Variants in GRIA3 observed in about 807,000 individuals in gnomAD.
GRIA3 encodes glutamate ionotropic receptor AMPA type subunit 3, also known as glutamate receptor 3.
In GRIA3, 3 loss-of-function variants were observed where a neutral mutation model predicts 63.0. The ratio of observed to expected loss-of-function variants is 0.05; its 90% CI spans 0.02 to 0.12. The LOEUF is 0.12. GRIA3 is among the 10% of genes least tolerant of loss of function. The pLI, the probability that GRIA3 is intolerant of heterozygous loss-of-function variation, is 1.00. For synonymous variants in GRIA3, 274 were observed against 257.9 expected (o/e 1.06, Z -0.60); for missense variants, 347 against 700.9 (o/e 0.50, Z 5.70).
intron 5 of GRIA3, among the ~76,000 whole-genome samples, chrX:123,359,784 T>C (rs929070213): frequency 2.7e-5 from 3 of 111,860 alleles, no homozygotes; most frequent in Non-Finnish European, 5.6e-5. Flanking sequence ...GGGGAGAACA[T>C]GAGCCATAGC....
chrX:123,336,731 G>A (rs556469009), intron 4 of GRIA3, among the ~76,000 whole-genome samples: 8 of 111,779 alleles, frequency 7.2e-5, no homozygotes, highest in Middle Eastern at 4.6e-3. Flanking sequence ...TTAAGCCAAC[G>A]ACTAGCAATC....
At chrX:123,315,689 T>G (rs1334218163) in intron 3 of GRIA3, among the ~76,000 whole-genome samples, 4 of 112,103 alleles carry the variant, frequency 3.6e-5, no homozygotes, top group Non-Finnish European at 7.5e-5. Flanking sequence ...TCTGCCTCTA[T>G]TTTTTCTTTA....
At chrX:123,272,580 T>C (rs2044530420) in intron 3 of GRIA3, among the ~76,000 whole-genome samples, 1 of 111,442 alleles carries the variant, frequency 9.0e-6, no homozygotes, top group Admixed American at 9.5e-5. Flanking sequence ...GGGATACAAA[T>C]GTGTGCAAAT....
At chrX:123,434,843 A>G (rs2045636283) in intron 12 of GRIA3, among the ~76,000 whole-genome samples, 1 of 112,093 alleles carries the variant, frequency 8.9e-6, no homozygotes, top group African/African-American at 3.2e-5. Context: ...TGACCTGACA[A>G]CTATGCACGC....
intron 5 of GRIA3, among the ~76,000 whole-genome samples, chrX:123,378,497 G>T (rs1463494341): frequency 9.5e-6 from 1 of 105,696 alleles, no homozygotes; most frequent in Non-Finnish European, 1.9e-5. Context: ...TACAACCTCC[G>T]CCTCCTGGGT....
rs1158221182 is a variant in GRIA3 at position 123,468,414 on chromosome X, G to A, written c.2324+3302G>A. Among the ~76,000 whole-genome samples the A allele has an allele frequency of 3.6e-5, 4 of 112,076 alleles. No homozygotes were observed. The East Asian group carries it at 1.1e-3, about 31-fold the overall frequency. On this transcript the variant is annotated intron_variant, in intron 13 of 15. Coordinates refer to ENST00000620443, the MANE Select transcript of GRIA3 (RefSeq NM_007325.5). ...TCTACAAGTTAACTTTATATTATCA[G>A]GCATGAGGACAAGAAAGGTTTGTTA... is the stretch of plus-strand genomic sequence containing the variant.
chrX:123,188,210 G>A (rs1012331419), intron 2 of GRIA3, among the ~76,000 whole-genome samples: 1 of 111,723 alleles, frequency 9.0e-6, no homozygotes, highest in African/African-American at 3.3e-5. Context: ...GAGGAAAGCT[G>A]TCATCTTCTC....
chrX:123,382,600 T>C (rs1290145763), intron 5 of GRIA3, among the ~76,000 whole-genome samples: 1 of 111,580 alleles, frequency 9.0e-6, no homozygotes, highest in Non-Finnish European at 1.9e-5. Context: ...GTGGGGTGTA[T>C]GCGGCAGGAT....
intron 5 of GRIA3, among the ~76,000 whole-genome samples, chrX:123,372,726 C>T (rs2045255243): frequency 1.8e-5 from 2 of 111,253 alleles, no homozygotes; most frequent in African/African-American, 6.5e-5. Context: ...AATTTTCTAT[C>T]CTGCAACTTT....
At chrX:123,320,756 G>GT (rs2044862751) in intron 3 of GRIA3, among the ~76,000 whole-genome samples, 1 of 112,109 alleles carries the variant, frequency 8.9e-6, no homozygotes, top group Non-Finnish European at 1.9e-5. Context: ...CTAGGGCAAG[G>GT]TAAGTGCGGC....
chrX:123,202,904 CAGG>C, intron 2 of GRIA3: 8 of 726,605 alleles, frequency 1.1e-5, no homozygotes, highest in Non-Finnish European at 1.0e-5. Context: ...GAACAAATTC[CAGG>C]CAAGTCAAAG....
At chrX:123,467,858 A>G (rs1011956564) in intron 13 of GRIA3, among the ~76,000 whole-genome samples, 1 of 112,540 alleles carries the variant, frequency 8.9e-6, no homozygotes, top group African/African-American at 3.2e-5. Context: ...TTTTTTCATT[A>G]CAACCAGCAA....
intron 4 of GRIA3, among the ~76,000 whole-genome samples, chrX:123,336,149 A>G (rs1387902077): frequency 8.9e-6 from 1 of 111,826 alleles, no homozygotes; most frequent in African/African-American, 3.2e-5. Flanking sequence ...TTGCCACAGG[A>G]CCCTTATGTT....
chrX:123,363,534 T>C (rs1449147816), intron 5 of GRIA3, among the ~76,000 whole-genome samples: 1 of 112,687 alleles, frequency 8.9e-6, no homozygotes, highest in African/African-American at 3.2e-5. Context: ...TGTCGGGCTA[T>C]TCTCAAATCA....
Position 123,448,779 on chromosome X carries a change from C to A in GRIA3, c.2077-16086C>A, listed in dbSNP as rs112458017. 5.7e-3 allele frequency among the ~76,000 whole-genome samples: 633 copies of A among 111,910 alleles called. 5 individuals carry two copies. The highest frequency in any genetic ancestry group is 0.02 in the African/African-American group (605 of 30,808). ...TGCTTCCAACTATTAGTTCTTTTAG[C>A]TTCTTGAGCATAAGGAACATGTTTT... On this transcript the variant is annotated intron_variant, in intron 12 of 15. Coordinates refer to ENST00000620443, the MANE Select transcript of GRIA3 (RefSeq NM_007325.5).
rs183020747 is a variant in GRIA3, at chrX:123,289,964, G to T, written c.509-36062G>T. Among the ~76,000 whole-genome samples, 228 of 110,991 alleles carry T rather than the reference G, an allele frequency of 2.1e-3. 1 individual carries two copies. Among genetic ancestry groups the T allele is most frequent in the Middle Eastern group, 0.014 (3 of 217 alleles). On this transcript the variant is annotated intron_variant, in intron 3 of 15. Coordinates refer to ENST00000620443, the MANE Select transcript of GRIA3 (RefSeq NM_007325.5). ...TCCTGCTTCTTTATGATATATTCTG[G>T]AGATATTTCAAAGCCATTTATACTT... is the stretch of plus-strand genomic sequence containing the variant.
chrX:123,296,737 G>A (rs1459014838), intron 3 of GRIA3, among the ~76,000 whole-genome samples: 3 of 111,311 alleles, frequency 2.7e-5, no homozygotes, highest in African/African-American at 9.8e-5. Flanking sequence ...CACTGGAGCA[G>A]AAAATGGAAG....
chrX:123,417,662 T>C lies in GRIA3; in HGVS notation c.1761T>C (p.Asn587=), dbSNP rs778032662. 1.7e-6 allele frequency: 2 copies of C among 1,185,368 alleles called. No individual in the cohort carries two copies. Among genetic ancestry groups the C allele is most frequent in the Admixed American group, 4.7e-5 (2 of 42,366 alleles). The change falls in exon 11 of 16, where the codon AAT becomes AAC. Residue 587 remains asparagine (N), a synonymous_variant. Coordinates refer to ENST00000620443, the MANE Select transcript of GRIA3 (RefSeq NM_007325.5). ...ATGAATGGCACTTGGAAGACAACAA[T>C]GAAGAACCTCGTGACCCACAAAGTC... ...SPYEWHLEDN[N]EEPRDPQSPP...
At chrX:123,317,680 C>G (rs928366757) in intron 3 of GRIA3, among the ~76,000 whole-genome samples, 2 of 112,134 alleles carry the variant, frequency 1.8e-5, no homozygotes, top group African/African-American at 6.5e-5. Flanking sequence ...ACCCCTGTGG[C>G]TTTGCAGGGT....
Sources: gnomAD v4.1 joint callset for allele counts (sites outside exome capture counted in the v4.1 genomes callset) on GRCh38, gnomAD v4.1.1 for gene constraint, MANE v1.5 for transcripts, NCBI Gene and HGNC (gene_info 2026-07-23, HGNC 2026-07-21) for gene names.